PPFIA2: variants seen among roughly 807,000 people sequenced by gnomAD.
PPFIA2 encodes the protein PPFI scaffold protein A2.
In PPFIA2, 46 loss-of-function variants were observed where a neutral mutation model predicts 175.5. The observed-to-expected ratio is 0.26, with a 90% CI of 0.21 to 0.34. The LOEUF (loss-of-function observed/expected upper bound fraction) is 0.34. Among genes scored for constraint, PPFIA2 ranks in the 10% least tolerant of loss-of-function variants. PPFIA2 has a pLI of 1.00. For missense variants in PPFIA2, 1,179 were observed against 1,506.1 expected (o/e 0.78, Z 3.60); for synonymous variants, 568 against 511.4 (o/e 1.11, Z -1.49).
At chr12:81,288,551 T>A (rs1450040033) in intron 24 of PPFIA2, among the ~76,000 whole-genome samples, 1 of 151,680 alleles carries the variant, frequency 6.6e-6, no homozygotes, top group African/African-American at 2.4e-5. Context: ...CTTGTGAAAA[T>A]TAATCAGGTG....
At chr12:81,637,079 C>A (rs1424301459) in intron 4 of PPFIA2, among the ~76,000 whole-genome samples, 1 of 145,250 alleles carries the variant, frequency 6.9e-6, no homozygotes, top group Non-Finnish European at 1.5e-5. Context: ...TTTTTTTTTT[C>A]TTTTTGTGAG....
Position 81,259,041 on chromosome 12 carries a change from T to C in PPFIA2, c.*653A>G, listed in dbSNP as rs2034545866. The C allele has an allele frequency of 6.1e-6, 1 of 162,910 alleles. No individual in the cohort carries two copies. The highest frequency in any genetic ancestry group is 1.3e-5 in the Non-Finnish European group (1 of 75,492). 10.1% of individuals were successfully genotyped at this position (162,910 alleles called of 1,614,324 possible). ...GGACATCCCTGATTGCCTTTAAAGC[T>C]CTATTTTTGGCTCCGGTTCCAGGTT... On this transcript the variant is annotated 3_prime_UTR_variant, in exon 33 of 33. Transcript: ENST00000549396.
intron 4 of PPFIA2, among the ~76,000 whole-genome samples, chr12:81,624,368 C>T (rs11114943): frequency 0.062 from 9,312 of 149,082 alleles, 404 homozygotes; most frequent in East Asian, 0.25. Flanking sequence ...TAACCAGTCC[C>T]AGGTCACTAT....
At chr12:81,571,667 T>C (rs1486795104) in intron 4 of PPFIA2, among the ~76,000 whole-genome samples, 1 of 152,150 alleles carries the variant, frequency 6.6e-6, no homozygotes, top group African/African-American at 2.4e-5. Flanking sequence ...AATATATGTG[T>C]TTCTAAAGTA....
rs533490938 is a variant in PPFIA2 at position 81,450,811 on chromosome 12, T to C, written c.406-5091A>G. On this transcript the variant is annotated intron_variant, in intron 5 of 32. Transcript: ENST00000549396. ...CTTTAATCCATCTTGAATTAATTTT[T>C]GTATAAGGTGTAAGGAAGGGATCCA... Among the ~76,000 whole-genome samples the C allele has an allele frequency of 1.8e-4, 28 of 152,304 alleles. No individual in the cohort carries two copies. The South Asian group carries it at 5.8e-3, about 32-fold the overall frequency.
At chr12:81,751,677 T>C (rs1049822700) in intron 3 of PPFIA2, among the ~76,000 whole-genome samples, 4 of 151,982 alleles carry the variant, frequency 2.6e-5, no homozygotes, top group African/African-American at 7.2e-5. Context: ...GGGATTTAGA[T>C]AAAAGGCTGG....
chr12:81,542,154 T>C (rs933803281), intron 4 of PPFIA2, among the ~76,000 whole-genome samples: 1 of 152,160 alleles, frequency 6.6e-6, no homozygotes, highest in African/African-American at 2.4e-5. Flanking sequence ...GGGCCTTACA[T>C]GCACTCACAT....
rs1567688555 is a variant in PPFIA2, at chr12:81,642,736, T to TTATATAC, written c.303+34054_303+34055insGTATATA. 2.2e-4 allele frequency among the ~76,000 whole-genome samples: 6 copies of TTATATAC among 27,532 alleles called. 1 individual carries two copies. The highest frequency in any genetic ancestry group is 4.6e-4 in the Non-Finnish European group (6 of 12,920). 18.1% of individuals were successfully genotyped at this position (27,532 alleles called of 152,430 possible). On this transcript the variant is annotated intron_variant, in intron 4 of 32. Transcript: ENST00000549396. Reference sequence around the variant, plus strand: ...TATGTATTATATACATACATGTATATGTATGTATGTATTATATACATACAT... The same window carrying TTATATAC: ...TATGTATTATATACATACATGTATATTATATACGTATGTATGTATTATATACATACAT...
In PPFIA2 at chr12:81,758,392, T is replaced by G. The variant is rs1568159517; in HGVS notation, c.-3+8A>C. 1 of 456,458 alleles carries G rather than the reference T, an allele frequency of 2.2e-6. No individual in the cohort carries two copies. Among genetic ancestry groups the G allele is most frequent in the Middle Eastern group, 3.3e-4 (1 of 3,070 alleles). The allele number at this position is 456,458 out of a possible 1,614,324, so 28.3% of individuals were successfully genotyped here. A position where few individuals can be genotyped will look rare whatever the true frequency, so the allele number is the denominator to read the frequency against. On this transcript the variant is annotated splice_region_variant and intron_variant, in intron 2 of 32. Coordinates refer to ENST00000549396, the MANE Select transcript of PPFIA2 (RefSeq NM_003625.5). ...GGAGACAGTAAAACTCAAAGACAGC[T>G]TCTGTACCTAATGTCTGTGATTTCG...
intron 4 of PPFIA2, among the ~76,000 whole-genome samples, chr12:81,475,745 T>C (rs1251019705): frequency 6.6e-6 from 1 of 152,128 alleles, no homozygotes; most frequent in Non-Finnish European, 1.5e-5. Flanking sequence ...ACGAGTCTCC[T>C]TCTGTCGCCC....
At chr12:81,555,565 G>A (rs1308653359) in intron 4 of PPFIA2, among the ~76,000 whole-genome samples, 1 of 151,926 alleles carries the variant, frequency 6.6e-6, no homozygotes, top group Non-Finnish European at 1.5e-5. Flanking sequence ...AACAGTGACA[G>A]ACTTTCATGA....
chr12:81,491,384 G>A (rs1225609124), intron 4 of PPFIA2, among the ~76,000 whole-genome samples: 2 of 151,770 alleles, frequency 1.3e-5, no homozygotes, highest in African/African-American at 4.8e-5. Context: ...CCCAAAAAAA[G>A]TCACCCCACC....
At chr12:81,678,557 A>G (rs943779861) in intron 3 of PPFIA2, among the ~76,000 whole-genome samples, 1 of 151,912 alleles carries the variant, frequency 6.6e-6, no homozygotes, top group Non-Finnish European at 1.5e-5. Context: ...GAAAATTATT[A>G]AATGGTCTCC....
intron 4 of PPFIA2, among the ~76,000 whole-genome samples, chr12:81,475,920 C>T (rs1247601739): frequency 6.6e-6 from 1 of 152,110 alleles, no homozygotes; most frequent in South Asian, 2.1e-4. Flanking sequence ...ACCTTGTTAG[C>T]CAGGATGGTC....
chr12:81,283,979 A>G (rs2042685069), intron 25 of PPFIA2, among the ~76,000 whole-genome samples: 1 of 152,198 alleles, frequency 6.6e-6, no homozygotes, highest in African/African-American at 2.4e-5. Flanking sequence ...CCAATGTTGC[A>G]ACATGAATAC....
intron 3 of PPFIA2, among the ~76,000 whole-genome samples, chr12:81,695,149 T>A (rs763714137): frequency 1.3e-5 from 2 of 152,140 alleles, no homozygotes; most frequent in African/African-American, 4.8e-5. Context: ...TGGAATTAGT[T>A]AAAAATTTGA....
rs554806716 is a variant in PPFIA2, at chr12:81,638,069, T to C, written c.303+38722A>G. Among the ~76,000 whole-genome samples, 11 of 152,342 alleles carry C rather than the reference T, an allele frequency of 7.2e-5. No individual in the cohort carries two copies. The South Asian group carries it at 2.3e-3, about 32-fold the overall frequency. ...TTCCTAGTTATTGCTTCAAATGTCC[T>C]CTGCTTTGAAATTTATACATCACTA... On this transcript the variant is annotated intron_variant, in intron 4 of 32. Coordinates refer to ENST00000549396, the MANE Select transcript of PPFIA2 (RefSeq NM_003625.5).
At chr12:81,271,274 T>C (rs532787530) in intron 28 of PPFIA2, among the ~76,000 whole-genome samples, 1 of 152,322 alleles carries the variant, frequency 6.6e-6, no homozygotes, top group Non-Finnish European at 1.5e-5. Flanking sequence ...GCTTTCTTTT[T>C]TCTTTTATTT....
At chr12:81,334,983 C>A (rs1355111013) in intron 21 of PPFIA2, among the ~76,000 whole-genome samples, 3 of 152,144 alleles carry the variant, frequency 2.0e-5, no homozygotes, top group South Asian at 2.1e-4. Context: ...CAGTACACAG[C>A]CTTTGGTGTC....
Sources: gnomAD v4.1 joint callset for allele counts (sites outside exome capture counted in the v4.1 genomes callset) on GRCh38, gnomAD v4.1.1 for gene constraint, MANE v1.5 for transcripts, NCBI Gene and HGNC (gene_info 2026-07-23, HGNC 2026-07-21) for gene names.